Variants in CTNNA3 observed in about 807,000 individuals in gnomAD.
CTNNA3 encodes catenin alpha-3.
Under a neutral mutation model 95.7 loss-of-function variants are expected in CTNNA3, and 76 were observed. The ratio of observed to expected loss-of-function variants is 0.79; its 90% CI spans 0.66 to 0.96. The LOEUF (loss-of-function observed/expected upper bound fraction) is 0.96. Ranked by LOEUF, CTNNA3 falls within the 40% of genes least tolerant of loss-of-function variation. CTNNA3 has a pLI of 0.00. For synonymous variants in CTNNA3, 431 were observed against 374.4 expected (o/e 1.15, Z -1.74); for missense variants, 1,191 against 1,089.8 (o/e 1.09, Z -1.31).
intron 9 of CTNNA3, among the ~76,000 whole-genome samples, chr10:66,625,958 T>C (rs10822860): frequency 0.35 from 52,769 of 151,402 alleles, 9,374 homozygotes; most frequent in Middle Eastern, 0.51. Context: ...GGGACGGCAA[T>C]GAAACAGATA....
rs964594090 is a variant in CTNNA3 at position 66,322,065 on chromosome 10, G to A, written c.1733-41444C>T. 2.0e-5 allele frequency among the ~76,000 whole-genome samples: 3 copies of A among 152,118 alleles called. No individual in the cohort carries two copies. The South Asian group carries it at 6.2e-4, about 31-fold the overall frequency. On this transcript the variant is annotated intron_variant, in intron 12 of 17. Transcript: ENST00000433211. ...TGAGGTGAAGCTCTGCTGGTAGATA[G>A]GGCCCAGAACACACTCAGAACAGGC... is the stretch of plus-strand genomic sequence containing the variant.
At chr10:66,905,419 A>C (rs536196183) in intron 7 of CTNNA3, among the ~76,000 whole-genome samples, 1 of 152,308 alleles carries the variant, frequency 6.6e-6, no homozygotes, top group South Asian at 2.1e-4. Flanking sequence ...TACCGAATGT[A>C]AATGACGAGT....
chr10:67,195,567 T>G (rs551450053), intron 6 of CTNNA3, among the ~76,000 whole-genome samples: 2 of 152,082 alleles, frequency 1.3e-5, no homozygotes, highest in East Asian at 3.9e-4. Context: ...TTTTTTGCAT[T>G]TAAATGCACT....
chr10:66,817,634 C>T (rs1189530790), intron 7 of CTNNA3, among the ~76,000 whole-genome samples: 2 of 151,942 alleles, frequency 1.3e-5, no homozygotes, highest in Non-Finnish European at 2.9e-5. Context: ...AAAGCTATAA[C>T]AAGTGAAGAG....
intron 15 of CTNNA3, among the ~76,000 whole-genome samples, chr10:66,022,219 T>C (rs1427201212): frequency 6.6e-6 from 1 of 152,158 alleles, no homozygotes; most frequent in Non-Finnish European, 1.5e-5. Context: ...CTTGGACTAG[T>C]TGATGACATG....
intron 5 of CTNNA3, among the ~76,000 whole-genome samples, chr10:67,517,731 A>G (rs1839867688): frequency 6.6e-6 from 1 of 152,160 alleles, no homozygotes; most frequent in South Asian, 2.1e-4. Context: ...CCTTAGAAAC[A>G]TATTAGAACA....
chr10:66,824,153 A>ACTTTAGGTG (rs934919409), intron 7 of CTNNA3, among the ~76,000 whole-genome samples: 9 of 152,148 alleles, frequency 5.9e-5, no homozygotes, highest in African/African-American at 2.2e-4. Context: ...TCTTTGCTCA[A>ACTTTAGGTG]CTTTAGGTGT....
At chr10:67,037,374 AAAAAAAG>A (rs1854125360) in intron 7 of CTNNA3, among the ~76,000 whole-genome samples, 12 of 132,672 alleles carry the variant, frequency 9.0e-5, no homozygotes, top group Admixed American at 6.8e-4. Context: ...AATCTAAAAA[AAAAAAAG>A]AAAAAAGAAA....
intron 10 of CTNNA3, among the ~76,000 whole-genome samples, chr10:66,525,440 C>T (rs1293018646): frequency 6.6e-6 from 1 of 151,988 alleles, no homozygotes; most frequent in African/African-American, 2.4e-5. Context: ...GTAAGGTTAC[C>T]AAGTTATTAA....
At chr10:67,726,303 A>T (rs1181899345) in intron 1 of CTNNA3, among the ~76,000 whole-genome samples, 1 of 67,440 alleles carries the variant, frequency 1.5e-5, no homozygotes, top group Non-Finnish European at 2.4e-5. Context: ...ATATGATATT[A>T]TCTTACATAT....
intron 5 of CTNNA3, among the ~76,000 whole-genome samples, chr10:67,371,078 G>A (rs1843426231): frequency 6.6e-6 from 1 of 151,444 alleles, no homozygotes; most frequent in Non-Finnish European, 1.5e-5. Context: ...GTTTTAGCCT[G>A]GATGGTCTCG....
chr10:66,720,296 C>T (rs1031407048), intron 9 of CTNNA3, among the ~76,000 whole-genome samples: 2 of 150,488 alleles, frequency 1.3e-5, no homozygotes, highest in African/African-American at 4.8e-5. Context: ...TTCCTCCTGC[C>T]AATCATCCAC....
intron 7 of CTNNA3, among the ~76,000 whole-genome samples, chr10:66,871,824 A>T (rs1844421672): frequency 6.6e-6 from 1 of 152,112 alleles, no homozygotes; most frequent in Non-Finnish European, 1.5e-5. Flanking sequence ...TAAAAGGATA[A>T]TTTTCTTTGA....
intron 9 of CTNNA3, among the ~76,000 whole-genome samples, chr10:66,736,973 A>C (rs1849164935): frequency 6.6e-6 from 1 of 152,186 alleles, no homozygotes; most frequent in Non-Finnish European, 1.5e-5. Context: ...ATATAAATCT[A>C]TGTGCCTTGA....
At chr10:66,166,061 C>T (rs899062761) in intron 13 of CTNNA3, among the ~76,000 whole-genome samples, 37 of 152,164 alleles carry the variant, frequency 2.4e-4, no homozygotes, top group African/African-American at 8.4e-4. Context: ...CCACCGCACC[C>T]AGCCATAAAA....
chr10:67,393,756 T>C (rs1268088386), intron 5 of CTNNA3, among the ~76,000 whole-genome samples: 1 of 152,200 alleles, frequency 6.6e-6, no homozygotes, highest in African/African-American at 2.4e-5. Context: ...ATGGGGTTTC[T>C]GTACTAGTTG....
At chr10:66,692,487 T>C (rs1295905072) in intron 9 of CTNNA3, among the ~76,000 whole-genome samples, 1 of 152,096 alleles carries the variant, frequency 6.6e-6, no homozygotes, top group African/African-American at 2.4e-5. Flanking sequence ...TACATCTGAT[T>C]GGTGTACCTG....
chr10:67,198,239 C>T (rs1048226725), intron 6 of CTNNA3, among the ~76,000 whole-genome samples: 1 of 151,936 alleles, frequency 6.6e-6, no homozygotes, highest in African/African-American at 2.4e-5. Context: ...CTTTAGGTAT[C>T]TAGGTGGTTG....
intron 5 of CTNNA3, among the ~76,000 whole-genome samples, chr10:67,403,849 G>A (rs189295305): frequency 6.6e-6 from 1 of 152,356 alleles, no homozygotes; most frequent in East Asian, 1.9e-4. Flanking sequence ...ACAGAGCTCT[G>A]AGAGGAAGGG....
Sources: allele counts gnomAD v4.1 joint callset (sites outside exome capture counted in the v4.1 genomes callset), GRCh38; gene constraint gnomAD v4.1.1; transcripts MANE v1.5; gene names NCBI Gene and HGNC (gene_info 2026-07-23, HGNC 2026-07-21).